Variants in ATRNL1 observed in about 807,000 individuals in gnomAD.
ATRNL1 encodes the protein attractin-like protein 1.
Under a neutral mutation model 182.7 loss-of-function variants are expected in ATRNL1, and 95 were observed. The ratio of observed to expected loss-of-function variants is 0.52; its 90% CI spans 0.44 to 0.62. The LOEUF is 0.62. Among genes scored for constraint, ATRNL1 ranks in the 20% least tolerant of loss-of-function variants. The pLI, the probability that ATRNL1 is intolerant of heterozygous loss-of-function variation, is 0.00. For synonymous variants in ATRNL1, 576 were observed against 568.3 expected (o/e 1.01, Z -0.19); for missense variants, 1,471 against 1,679.5 (o/e 0.88, Z 2.17).
intron 26 of ATRNL1, among the ~76,000 whole-genome samples, chr10:115,700,049 A>G (rs1394219430): frequency 6.6e-6 from 1 of 152,210 alleles, no homozygotes; most frequent in Non-Finnish European, 1.5e-5. Flanking sequence ...GTAGAATTCC[A>G]TGGTGTATAT....
chr10:115,848,060 C>T (rs1950970460), intron 28 of ATRNL1, 69 bp downstream of exon 28: 2 of 863,362 alleles, frequency 2.3e-6, no homozygotes, highest in South Asian at 2.8e-5. Context: ...ATAAACAATA[C>T]CACTAAATAG....
chr10:115,382,882 G>A (rs144391348), intron 19 of ATRNL1, among the ~76,000 whole-genome samples: 19 of 151,732 alleles, frequency 1.3e-4, no homozygotes, highest in East Asian at 1.2e-3. Flanking sequence ...TCAAGTACCC[G>A]TATTTGTGCA....
At chr10:115,757,013 A>G (rs1948608614) in intron 27 of ATRNL1, among the ~76,000 whole-genome samples, 1 of 151,834 alleles carries the variant, frequency 6.6e-6, no homozygotes, top group Non-Finnish European at 1.5e-5. Flanking sequence ...TTTGCTTAGT[A>G]TATCTTCCTC....
At chr10:115,611,983 G>C (rs1857182614) in intron 26 of ATRNL1, among the ~76,000 whole-genome samples, 1 of 152,214 alleles carries the variant, frequency 6.6e-6, no homozygotes. Flanking sequence ...AGCCATGGTG[G>C]CTCACACCTA....
intron 27 of ATRNL1, among the ~76,000 whole-genome samples, chr10:115,743,892 T>C: frequency 6.6e-6 from 1 of 151,966 alleles, no homozygotes; most frequent in Admixed American, 6.6e-5. Flanking sequence ...ACAGGAAAAA[T>C]CTTTTTGTAA....
At chr10:115,804,122 G>T (rs1949863226) in intron 27 of ATRNL1, among the ~76,000 whole-genome samples, 1 of 152,124 alleles carries the variant, frequency 6.6e-6, no homozygotes, top group Admixed American at 6.5e-5. Context: ...AGGTTAAATA[G>T]AAGGTCCAAA....
intron 27 of ATRNL1, among the ~76,000 whole-genome samples, chr10:115,763,319 G>A (rs1220277111): frequency 6.6e-6 from 1 of 152,148 alleles, no homozygotes; most frequent in East Asian, 1.9e-4. Flanking sequence ...TACTAAGGGA[G>A]AGACACAGAT....
chr10:115,169,017 C>CTTT (rs71010011), intron 7 of ATRNL1, among the ~76,000 whole-genome samples: 2 of 104,244 alleles, frequency 1.9e-5, no homozygotes, highest in Admixed American at 9.7e-5. Flanking sequence ...GGTGCAAGTT[C>CTTT]TTTTTTTTTT....
intron 28 of ATRNL1, among the ~76,000 whole-genome samples, chr10:115,892,772 G>T (rs72832825): frequency 6.6e-6 from 1 of 152,278 alleles, no homozygotes; most frequent in Non-Finnish European, 1.5e-5. Context: ...TGGGAAAAAA[G>T]AAGGGATCGA....
At chr10:115,319,713 C>CTT (rs372815324) in intron 18 of ATRNL1, among the ~76,000 whole-genome samples, 40 of 141,704 alleles carry the variant, frequency 2.8e-4, no homozygotes, top group African/African-American at 8.0e-4. Context: ...GCATCCCCTG[C>CTT]TTTTTTTTTT....
intron 19 of ATRNL1, among the ~76,000 whole-genome samples, chr10:115,378,276 C>G (rs1277851265): frequency 6.6e-6 from 1 of 152,164 alleles, no homozygotes; most frequent in Non-Finnish European, 1.5e-5. Context: ...AGCAGGTTAG[C>G]CTGTAGGGGC....
chr10:115,215,602 T>C (rs1849199156), intron 8 of ATRNL1, 95 bp from the exon 9 acceptor site: 1 of 935,334 alleles, frequency 1.1e-6, no homozygotes, highest in Non-Finnish European at 1.6e-6. Context: ...CATAAAAATA[T>C]GTCATTAGAA....
intron 8 of ATRNL1, among the ~76,000 whole-genome samples, chr10:115,200,462 G>A (rs529272962): frequency 1.4e-5 from 2 of 148,028 alleles, no homozygotes; most frequent in Non-Finnish European, 3.0e-5. Context: ...CCATCTATGA[G>A]TGAGAACATG....
intron 25 of ATRNL1, among the ~76,000 whole-genome samples, chr10:115,527,476 A>G (rs1000473359): frequency 1.3e-5 from 2 of 148,920 alleles, no homozygotes; most frequent in Admixed American, 1.3e-4. Flanking sequence ...GTGATGGTTG[A>G]TAGAACTGAC....
At chr10:115,840,972 A>G (rs572992419) in intron 27 of ATRNL1, among the ~76,000 whole-genome samples, 3 of 152,250 alleles carry the variant, frequency 2.0e-5, no homozygotes, top group African/African-American at 7.2e-5. Flanking sequence ...AAACTCATAC[A>G]TCAAGTATAG....
At chr10:115,808,018 T>C (rs1555086017) in intron 27 of ATRNL1, among the ~76,000 whole-genome samples, 1 of 152,192 alleles carries the variant, frequency 6.6e-6, no homozygotes, top group East Asian at 1.9e-4. Context: ...GGGAAGAAGG[T>C]AGTTGGAAGA....
At chr10:115,463,218 C>A (rs907363894) in intron 22 of ATRNL1, among the ~76,000 whole-genome samples, 4 of 151,304 alleles carry the variant, frequency 2.6e-5, no homozygotes, top group African/African-American at 9.7e-5. Flanking sequence ...TTTTTCTTTT[C>A]CAGTAAAATA....
Position 115,944,710 on chromosome 10 carries a change from T to G in ATRNL1, c.4071T>G (p.Asp1357Glu). The G allele has an allele frequency of 6.2e-7, 1 of 1,613,706 alleles. No individual in the cohort carries two copies. Residue 1357 changes from aspartate to glutamate, a missense_variant, in exon 29 of 29, where the codon GAT becomes GAG. By Grantham distance (45) the Asp-to-Glu change is conservative (BLOSUM62 2). Transcript: ENST00000355044. ...ATATTTCACAACAGAAAGCTTCAGATAGTAAAGATAAGACTTCTGGAGTCC... is the reference window on the plus strand; with the variant it reads ...ATATTTCACAACAGAAAGCTTCAGAGAGTAAAGATAAGACTTCTGGAGTCC... The part of the protein sequence containing the change: ...LIDISQQKAS[D>E]SKDKTSGVRN...
chr10:115,876,766 G>T (rs1041289725), intron 28 of ATRNL1, among the ~76,000 whole-genome samples: 2 of 152,170 alleles, frequency 1.3e-5, no homozygotes, highest in Non-Finnish European at 2.9e-5. Flanking sequence ...TTAGTAATTT[G>T]TGTTTTTAAG....
Sources: allele counts gnomAD v4.1 joint callset (sites outside exome capture counted in the v4.1 genomes callset), GRCh38; gene constraint gnomAD v4.1.1; transcripts MANE v1.5; gene names NCBI Gene and HGNC (gene_info 2026-07-23, HGNC 2026-07-21).